The following SORCS3 variants were observed in gnomAD, a reference collection of about 807,000 sequenced individuals.
SORCS3 encodes the protein VPS10 domain-containing receptor SorCS3.
In SORCS3, 57 loss-of-function variants were observed where a neutral mutation model predicts 146.3. The ratio of observed to expected loss-of-function variants is 0.39; its 90% CI spans 0.31 to 0.49. SORCS3 has a LOEUF of 0.49. SORCS3 is among the 20% of genes least tolerant of loss of function. The pLI is 0.92. For missense variants in SORCS3, 1,341 were observed against 1,575.5 expected (o/e 0.85, Z 2.52); for synonymous variants, 653 against 618.5 (o/e 1.06, Z -0.83).
intron 1 of SORCS3, among the ~76,000 whole-genome samples, chr10:104,804,220 A>G (rs1201558953): frequency 6.6e-6 from 1 of 152,250 alleles, no homozygotes; most frequent in African/African-American, 2.4e-5. Flanking sequence ...GAAGATGAGG[A>G]GGCAGGTGCT....
At chr10:104,867,701 A>T (rs1481291558) in intron 2 of SORCS3, among the ~76,000 whole-genome samples, 1 of 152,046 alleles carries the variant, frequency 6.6e-6, no homozygotes, top group Non-Finnish European at 1.5e-5. Flanking sequence ...TGCTTGCCTC[A>T]TCCCAGTCCC....
At chr10:105,022,127 T>A (rs1179846530) in intron 4 of SORCS3, among the ~76,000 whole-genome samples, 1 of 152,120 alleles carries the variant, frequency 6.6e-6, no homozygotes, top group Non-Finnish European at 1.5e-5. Context: ...CGACTACATG[T>A]CATCCCTTTA....
rs1408050823 is a variant in SORCS3 at position 105,265,034 on chromosome 10, C to CT, written c.*1666dup. The CT allele has an allele frequency of 7.9e-5, 12 of 152,586 alleles. No individual in the cohort carries two copies. Among genetic ancestry groups the CT allele is most frequent in the African/African-American group, 2.2e-4 (9 of 41,526 alleles). 9.5% of individuals were successfully genotyped at this position (152,586 alleles called of 1,614,324 possible). The stretch of plus-strand genomic sequence containing the variant: ...ATTAGGAATATTTCTAAAGATCCTG[C>CT]TTTTTTGTTTCAAGGGTTAAATGGG... On this transcript the variant is annotated 3_prime_UTR_variant, in exon 27 of 27. Coordinates refer to ENST00000369701, the MANE Select transcript of SORCS3 (RefSeq NM_014978.3).
intron 1 of SORCS3, among the ~76,000 whole-genome samples, chr10:104,718,338 T>C (rs557393749): frequency 2.0e-5 from 3 of 152,170 alleles, no homozygotes; most frequent in East Asian, 3.9e-4. Flanking sequence ...GAAACTTGCC[T>C]TTATAACAAA....
chr10:104,843,289 A>G (rs949257609), intron 2 of SORCS3, among the ~76,000 whole-genome samples: 3 of 152,182 alleles, frequency 2.0e-5, no homozygotes, highest in African/African-American at 7.2e-5. Context: ...AGGCAGTATC[A>G]TGGGGACAGA....
chr10:105,234,744 T>G (rs2056783512), intron 20 of SORCS3, among the ~76,000 whole-genome samples: 1 of 152,058 alleles, frequency 6.6e-6, no homozygotes, highest in South Asian at 2.1e-4. Context: ...AACTTTCTGT[T>G]TACATTGCTC....
chr10:104,671,277 T>TG (rs1035244769), intron 1 of SORCS3, among the ~76,000 whole-genome samples: 4 of 118,750 alleles, frequency 3.4e-5, no homozygotes, highest in Non-Finnish European at 7.4e-5. Flanking sequence ...TAACTGTGTG[T>TG]TTTTTTTTAT....
At chr10:104,680,037 A>G (rs2015952976) in intron 1 of SORCS3, among the ~76,000 whole-genome samples, 1 of 152,170 alleles carries the variant, frequency 6.6e-6, no homozygotes, top group Non-Finnish European at 1.5e-5. Context: ...TTCTGTCCTA[A>G]AGTATGTAAA....
At chr10:105,229,172 G>T (rs2056752935) in intron 20 of SORCS3, among the ~76,000 whole-genome samples, 1 of 151,674 alleles carries the variant, frequency 6.6e-6, no homozygotes, top group Non-Finnish European at 1.5e-5. Flanking sequence ...TTCATTTGGT[G>T]GGTTCTTCTG....
chr10:105,015,819 T>C (rs1365360627), intron 4 of SORCS3, among the ~76,000 whole-genome samples: 1 of 151,862 alleles, frequency 6.6e-6, no homozygotes, highest in Non-Finnish European at 1.5e-5. Context: ...AACCTCCACC[T>C]CCCGGGTTTA....
At chr10:104,718,143 C>T (rs983041845) in intron 1 of SORCS3, among the ~76,000 whole-genome samples, 1 of 151,456 alleles carries the variant, frequency 6.6e-6, no homozygotes, top group Non-Finnish European at 1.5e-5. Context: ...GAGACTCCGT[C>T]CTCAAAATAA....
In SORCS3 at chr10:104,958,102, C is replaced by T. The variant is rs543058566; in HGVS notation, c.796-19233C>T. ...CTCCTGCTTTCTATTTGGTTCTTTT[C>T]TGCCTTTGTTTGCACTAATTCTTTG... On this transcript the variant is annotated intron_variant, in intron 3 of 26. Transcript: ENST00000369701. Among the ~76,000 whole-genome samples, 28 of 152,234 alleles carry T rather than the reference C, an allele frequency of 1.8e-4. No homozygotes were observed. In the South Asian group the frequency reaches 5.6e-3, roughly 30 times the overall value.
chr10:104,977,231 G>A (rs2133649902), intron 3 of SORCS3, 104 bp from the exon 4 acceptor site: 1 of 868,112 alleles, frequency 1.2e-6, no homozygotes, highest in Non-Finnish European at 1.6e-6. Flanking sequence ...GCTCCTTTAT[G>A]TGCTATGGTG....
At chr10:105,065,919 G>A (rs1444222121) in intron 5 of SORCS3, among the ~76,000 whole-genome samples, 4 of 152,168 alleles carry the variant, frequency 2.6e-5, no homozygotes, top group African/African-American at 4.8e-5. Flanking sequence ...TGGAATTTAG[G>A]TAGTGAGTCA....
At chr10:104,648,651 T>G (rs1190473700) in intron 1 of SORCS3, among the ~76,000 whole-genome samples, 1 of 152,180 alleles carries the variant, frequency 6.6e-6, no homozygotes, top group Non-Finnish European at 1.5e-5. Context: ...GTGAGTCACT[T>G]TGTAATTTGA....
chr10:104,985,289 C>G (rs1416692274), intron 4 of SORCS3, among the ~76,000 whole-genome samples: 1 of 152,148 alleles, frequency 6.6e-6, no homozygotes, highest in Non-Finnish European at 1.5e-5. Context: ...CTCAAGAAAC[C>G]ACTTTCTTGG....
intron 2 of SORCS3, among the ~76,000 whole-genome samples, chr10:104,890,693 G>A (rs1310578906): frequency 6.6e-6 from 1 of 152,054 alleles, no homozygotes; most frequent in Admixed American, 6.6e-5. Flanking sequence ...AGTAAGTTTT[G>A]TCAACATTGG....
chr10:104,783,297 T>C (rs1240413900), intron 1 of SORCS3, among the ~76,000 whole-genome samples: 2 of 152,344 alleles, frequency 1.3e-5, no homozygotes, highest in Middle Eastern at 3.4e-3. Context: ...CAATAGACTA[T>C]TGGACCTGGC....
chr10:105,056,625 ACT>A (rs1474419316), intron 5 of SORCS3, among the ~76,000 whole-genome samples: 1 of 152,128 alleles, frequency 6.6e-6, no homozygotes, highest in African/African-American at 2.4e-5. Flanking sequence ...TTTATATGCC[ACT>A]CTCTGTCAAT....
Sources: allele counts gnomAD v4.1 joint callset (sites outside exome capture counted in the v4.1 genomes callset), GRCh38; gene constraint gnomAD v4.1.1; transcripts MANE v1.5; gene names NCBI Gene and HGNC (gene_info 2026-07-23, HGNC 2026-07-21).